The following BCL2L11 variants were observed in gnomAD, a reference collection of about 807,000 sequenced individuals.
BCL2L11 encodes bcl-2-like protein 11.
In BCL2L11, 15 loss-of-function variants were observed where a neutral mutation model predicts 20.6. That is an observed-to-expected ratio of 0.73 (90% CI 0.49 to 1.12). BCL2L11 has a LOEUF of 1.12. Ranked by LOEUF, BCL2L11 falls within the 50% of genes most tolerant of loss-of-function variation. The pLI is 0.00. For synonymous variants in BCL2L11, 108 were observed against 92.8 expected, an observed-to-expected ratio of 1.16 and a Z score of -0.94; for missense variants, 292 against 260.9, an observed-to-expected ratio of 1.12 and a Z score of -0.82.
At chr2:111,124,418 G>C (rs1418492028) in intron 2 of BCL2L11, among the ~76,000 whole-genome samples, 13 of 152,052 alleles carry the variant, frequency 8.5e-5, no homozygotes, top group Admixed American at 2.0e-4. Context: ...AGCCTCCAGA[G>C]TAGCTGGGAC....
chr2:111,161,308 ATTTAT>A (rs2150585337), intron 3 of BCL2L11: 1 of 1,331,522 alleles, frequency 7.5e-7, no homozygotes, highest in Non-Finnish European at 1.0e-6. Context: ...CCCTGATTGT[ATTTAT>A]TTTAATAGTT....
At chr2:111,143,772 C>T (rs535050815) in intron 2 of BCL2L11, among the ~76,000 whole-genome samples, 3 of 152,302 alleles carry the variant, frequency 2.0e-5, no homozygotes, top group South Asian at 2.1e-4. Context: ...TTGTCCCCAG[C>T]TGCTAGTAAA....
chr2:111,155,348 CTG>C (rs2077696005), intron 3 of BCL2L11, among the ~76,000 whole-genome samples: 1 of 152,170 alleles, frequency 6.6e-6, no homozygotes, highest in Admixed American at 6.5e-5. Flanking sequence ...ATCACCCAAA[CTG>C]TGTGAGCGCA....
chr2:111,136,038 C>G (rs2074817014), intron 2 of BCL2L11, among the ~76,000 whole-genome samples: 1 of 152,180 alleles, frequency 6.6e-6, no homozygotes, highest in African/African-American at 2.4e-5. Context: ...GCTGGAAGAT[C>G]AACTCCCCAC....
chr2:111,136,432 G>A lies in BCL2L11; in HGVS notation c.394+12293G>A, dbSNP rs141157495. Among the ~76,000 whole-genome samples, 61 of 152,312 alleles carry A rather than the reference G, an allele frequency of 4.0e-4. No individual in the cohort carries two copies. In the East Asian group the frequency reaches 0.01, roughly 26 times the overall value. On this transcript the variant is annotated intron_variant, in intron 2 of 3. Transcript: ENST00000393256. The stretch of plus-strand genomic sequence containing the variant: ...CTCGGGTTTTCAGTTGGGAGAGGAA[G>A]GACCTGGGGAGATGGCTCCTCCACC...
chr2:111,123,607 A>G (rs546846479), intron 1 of BCL2L11, 126 bp from the exon 2 acceptor site: 2 of 1,210,968 alleles, frequency 1.7e-6, no homozygotes, highest in South Asian at 8.2e-5. Flanking sequence ...AGATTGTCAG[A>G]AAAGTATAGA....
chr2:111,149,887 A>T (rs1227444722), intron 2 of BCL2L11, among the ~76,000 whole-genome samples, 157 bp from the exon 3 acceptor site: 1 of 152,160 alleles, frequency 6.6e-6, no homozygotes, highest in African/African-American at 2.4e-5. Context: ...CTGCCACTCT[A>T]ATCTTTAGTA....
chr2:111,161,376 C>T (rs1157691923), intron 3 of BCL2L11: 79 of 1,547,366 alleles, frequency 5.1e-5, no homozygotes, highest in Non-Finnish European at 6.8e-5. Flanking sequence ...TTATATTACC[C>T]AGTTTGGGAG....
chr2:111,125,100 C>T (rs1321247124), intron 2 of BCL2L11, among the ~76,000 whole-genome samples: 1 of 152,174 alleles, frequency 6.6e-6, no homozygotes, highest in Non-Finnish European at 1.5e-5. Flanking sequence ...TGGGCCACAC[C>T]TAATTGTGGC....
chr2:111,129,990 C>T, intron 2 of BCL2L11: 1 of 283,624 alleles, frequency 3.5e-6, no homozygotes, highest in South Asian at 2.6e-5. Flanking sequence ...GATGATGCAC[C>T]ACAGTTTGCT....
At chr2:111,161,115 G>C (rs2078495894) in intron 3 of BCL2L11, among the ~76,000 whole-genome samples, 1 of 152,170 alleles carries the variant, frequency 6.6e-6, no homozygotes. Flanking sequence ...GTGGATTAGA[G>C]CCCACCCCAC....
At chr2:111,149,107 C>G (rs1333799315) in intron 2 of BCL2L11, among the ~76,000 whole-genome samples, 1 of 152,194 alleles carries the variant, frequency 6.6e-6, no homozygotes, top group Non-Finnish European at 1.5e-5. Context: ...AATTTTATCT[C>G]ATTTCCTGTA....
At chr2:111,142,316 A>T (rs1575071269) in intron 2 of BCL2L11, 1 of 1,550,128 alleles carries the variant, frequency 6.5e-7, no homozygotes, top group African/African-American at 1.4e-5. Context: ...CTTGCAGATG[A>T]CTCCGCTGGA....
chr2:111,144,747 C>G (rs145826988), intron 2 of BCL2L11, among the ~76,000 whole-genome samples: 2 of 152,318 alleles, frequency 1.3e-5, no homozygotes, highest in East Asian at 3.9e-4. Context: ...CGGAGTATCT[C>G]TTGGAATTGG....
At chr2:111,158,997 G>C (rs929052103) in intron 3 of BCL2L11, among the ~76,000 whole-genome samples, 2 of 152,194 alleles carry the variant, frequency 1.3e-5, no homozygotes, top group Admixed American at 6.5e-5. Context: ...CCTGCCTTTG[G>C]AGCATGGATG....
intron 3 of BCL2L11, among the ~76,000 whole-genome samples, chr2:111,150,628 C>T (rs959885315): frequency 5.3e-5 from 8 of 152,212 alleles, no homozygotes; most frequent in Admixed American, 3.3e-4. Flanking sequence ...AGCCATTGCC[C>T]TTGCAGAGCC....
At chr2:111,123,620 A>G (rs1311983250) in intron 1 of BCL2L11, 113 bp from the exon 2 acceptor site, 5 of 1,228,804 alleles carry the variant, frequency 4.1e-6, no homozygotes, top group Non-Finnish European at 5.2e-6. Context: ...AGTATAGAAC[A>G]AAGTATTTGG....
chr2:111,149,766 G>A (rs1286766053), intron 2 of BCL2L11, among the ~76,000 whole-genome samples: 1 of 152,208 alleles, frequency 6.6e-6, no homozygotes, highest in African/African-American at 2.4e-5. Context: ...ATGGAAGTGT[G>A]TATGAATGGG....
chr2:111,122,709 G>C, intron 1 of BCL2L11: 1 of 982,222 alleles, frequency 1.0e-6, no homozygotes, highest in Non-Finnish European at 1.2e-6. Flanking sequence ...GGCGTGCGGA[G>C]CCCTCGGCTG....
Sources: gnomAD v4.1 joint callset for allele counts (sites outside exome capture counted in the v4.1 genomes callset) on GRCh38, gnomAD v4.1.1 for gene constraint, MANE v1.5 for transcripts, NCBI Gene and HGNC (gene_info 2026-07-23, HGNC 2026-07-21) for gene names.